DCDC1: variants seen among roughly 807,000 people sequenced by gnomAD.
DCDC1 encodes the protein doublecortin domain containing 1.
In DCDC1, 200 loss-of-function variants were observed where a neutral mutation model predicts 178.3. The observed-to-expected ratio is 1.12, with a 90% confidence interval of 1.00 to 1.26. The LOEUF is 1.26. DCDC1 is among the 50% of genes most tolerant of loss of function. DCDC1 has a pLI of 0.00. For missense variants in DCDC1, 1,983 were observed against 1,749.2 expected, an observed-to-expected ratio of 1.13 and a Z score of -2.38; for synonymous variants, 690 against 604.8, an observed-to-expected ratio of 1.14 and a Z score of -2.07.
intron 9 of DCDC1, among the ~76,000 whole-genome samples, chr11:31,237,911 A>C (rs1196726550): frequency 6.6e-6 from 1 of 152,070 alleles, no homozygotes; most frequent in East Asian, 1.9e-4. Context: ...TAATGAATTC[A>C]GGGGCTATGA....
At chr11:31,234,341 T>A (rs911994173) in intron 9 of DCDC1, among the ~76,000 whole-genome samples, 6 of 152,190 alleles carry the variant, frequency 3.9e-5, no homozygotes, top group Non-Finnish European at 7.3e-5. Flanking sequence ...AAGAATGAAT[T>A]TTATTATTTG....
chr11:31,097,154 A>T (rs928440715), intron 15 of DCDC1, among the ~76,000 whole-genome samples: 4 of 152,264 alleles, frequency 2.6e-5, no homozygotes, highest in African/African-American at 7.2e-5. Context: ...ATGTAGAAGC[A>T]GTCAATGATA....
intron 9 of DCDC1, among the ~76,000 whole-genome samples, chr11:31,235,811 T>C (rs1040242968): frequency 6.6e-6 from 1 of 151,984 alleles, no homozygotes; most frequent in African/African-American, 2.4e-5. Flanking sequence ...GAAACGTAAG[T>C]TGGCCCTTAT....
intron 9 of DCDC1, among the ~76,000 whole-genome samples, chr11:31,213,945 T>C (rs1387547111): frequency 6.6e-6 from 1 of 152,080 alleles, no homozygotes; most frequent in Non-Finnish European, 1.5e-5. Context: ...TATATGAATA[T>C]GCCTAGAAAA....
intron 1 of DCDC1, among the ~76,000 whole-genome samples, chr11:31,347,804 TGAATA>T (rs1950889364): frequency 6.6e-6 from 1 of 152,158 alleles, no homozygotes; most frequent in Non-Finnish European, 1.5e-5. Flanking sequence ...CAGTTATACC[TGAATA>T]AAGAGGTACC....
chr11:30,952,458 C>T lies in DCDC1; in HGVS notation c.2702G>A (p.Gly901Asp). 1 of 1,566,146 alleles carries T rather than the reference C, an allele frequency of 6.4e-7. No homozygotes were observed. The highest frequency in any genetic ancestry group is 1.7e-5 in the Admixed American group (1 of 58,320). ...AAGCAACACAACCTCATTAAGTTGGCCACTGGGAAGGACAGGCCACATGTA... is the reference window on the plus strand; with the variant it reads ...AAGCAACACAACCTCATTAAGTTGGTCACTGGGAAGGACAGGCCACATGTA... Reference protein sequence around the residue: ...LTYMWPVLPSGQLNEEFDWPI... With the variant: ...LTYMWPVLPSDQLNEEFDWPI... Residue 901 changes from glycine to aspartate, a missense_variant, in exon 21 of 39, where the codon GGC (glycine) becomes GAC (aspartate). Physicochemically the swap from Gly to Asp is moderately conservative, Grantham distance 94. Transcript: ENST00000684477.
At chr11:31,172,694 A>G (rs1421574062) in intron 9 of DCDC1, among the ~76,000 whole-genome samples, 1 of 152,202 alleles carries the variant, frequency 6.6e-6, no homozygotes. Flanking sequence ...AGAAAATTAT[A>G]TTAAGAAAAT....
chr11:31,204,300 A>G (rs1971629615), intron 9 of DCDC1, among the ~76,000 whole-genome samples: 1 of 152,162 alleles, frequency 6.6e-6, no homozygotes, highest in Non-Finnish European at 1.5e-5. Flanking sequence ...TTAAGTATTC[A>G]ATTCAAGAGG....
At chr11:31,232,344 G>T (rs1278515341) in intron 9 of DCDC1, among the ~76,000 whole-genome samples, 1 of 152,054 alleles carries the variant, frequency 6.6e-6, no homozygotes, top group African/African-American at 2.4e-5. Context: ...TTAAAATCCT[G>T]TTTTGGCATT....
At chr11:31,035,563 C>T (rs769920492) in intron 20 of DCDC1, among the ~76,000 whole-genome samples, 8 of 152,210 alleles carry the variant, frequency 5.3e-5, no homozygotes, top group Non-Finnish European at 1.2e-4. Flanking sequence ...GCTGTGTGTG[C>T]CCTTCTCATC....
intron 1 of DCDC1, among the ~76,000 whole-genome samples, chr11:31,345,153 T>A (rs7940420): frequency 0.69 from 105,227 of 151,680 alleles, 37,656 homozygotes; most frequent in African/African-American, 0.86. Flanking sequence ...GGCCATTTTT[T>A]AAAAAAAACC....
intron 9 of DCDC1, among the ~76,000 whole-genome samples, chr11:31,211,257 T>C (rs559676944): frequency 6.6e-6 from 1 of 152,316 alleles, no homozygotes; most frequent in African/African-American, 2.4e-5. Flanking sequence ...ATGTAATAAT[T>C]ATGATGATAA....
In DCDC1 at chr11:31,307,924, C is replaced by T. The variant is rs1948560001; in HGVS notation, c.165-16G>A. 6.2e-7 allele frequency: 1 copy of T among 1,612,798 alleles called. No individual in the cohort carries two copies. The highest frequency in any genetic ancestry group is 1.1e-5 in the South Asian group (1 of 90,980). ...CATAAACTCTCTGGAAGAAACAATG[C>T]ATGGAAGAATACAATTAATTGATTT... On this transcript the variant is annotated splice_polypyrimidine_tract_variant and intron_variant, in intron 3 of 38. Coordinates refer to ENST00000684477, the MANE Select transcript of DCDC1 (RefSeq NM_001387274.1).
At chr11:30,952,397 G>C (rs748247320) in intron 21 of DCDC1, 48 bp downstream of exon 21, 2 of 1,476,016 alleles carry the variant, frequency 1.4e-6, no homozygotes, top group Admixed American at 2.0e-5. Context: ...ACACAACTGG[G>C]CCTTAAAGTA....
At chr11:30,888,489 A>G (rs273576) in intron 36 of DCDC1, among the ~76,000 whole-genome samples, 105,009 of 151,882 alleles carry the variant, frequency 0.69, 36,670 homozygotes, top group Middle Eastern at 0.81. Context: ...AGGCCGAGGC[A>G]GGTGGATCAC....
At chr11:31,328,567 G>A (rs886787761) in intron 2 of DCDC1, among the ~76,000 whole-genome samples, 3 of 152,112 alleles carry the variant, frequency 2.0e-5, no homozygotes, top group Non-Finnish European at 4.4e-5. Context: ...GGGAGGCCAA[G>A]GCGGGCGGAT....
At chr11:30,982,109 T>TAC (rs2134810040) in intron 20 of DCDC1, among the ~76,000 whole-genome samples, 1 of 152,338 alleles carries the variant, frequency 6.6e-6, no homozygotes, top group South Asian at 2.1e-4. Context: ...ATGTTAAAGG[T>TAC]ACACTAGAGG....
intron 20 of DCDC1, among the ~76,000 whole-genome samples, chr11:30,958,383 T>G (rs987315335): frequency 1.3e-5 from 2 of 152,150 alleles, no homozygotes; most frequent in African/African-American, 4.8e-5. Context: ...GTTTATATAT[T>G]GACCTGATAT....
chr11:30,918,113 T>C (rs1945988847), intron 25 of DCDC1, among the ~76,000 whole-genome samples: 1 of 150,116 alleles, frequency 6.7e-6, no homozygotes, highest in South Asian at 2.1e-4. Flanking sequence ...ATTCCATTTC[T>C]TTGGGGAAAA....
Sources: gnomAD v4.1 joint callset for allele counts (sites outside exome capture counted in the v4.1 genomes callset) on GRCh38, gnomAD v4.1.1 for gene constraint, MANE v1.5 for transcripts, NCBI Gene and HGNC (gene_info 2026-07-23, HGNC 2026-07-21) for gene names.